UBAC1: variants seen among roughly 807,000 people sequenced by gnomAD.
The protein encoded by UBAC1 is ubiquitin-associated domain-containing protein 1.
UBAC1 carries 27 observed loss-of-function variants against 45.9 expected under a neutral mutation model. That is an observed-to-expected ratio of 0.59 (90% CI 0.43 to 0.81). UBAC1 has a LOEUF of 0.81. Ranked by LOEUF, UBAC1 falls within the 30% of genes least tolerant of loss-of-function variation. UBAC1 has a pLI of 0.00. For missense variants in UBAC1, 529 were observed against 539.2 expected (o/e 0.98, Z 0.19); for synonymous variants, 227 against 215.5 (o/e 1.05, Z -0.47).
chr9:135,958,010 G>A (rs1010356441), intron 1 of UBAC1, among the ~76,000 whole-genome samples: 2 of 148,044 alleles, frequency 1.4e-5, no homozygotes, highest in Non-Finnish European at 3.0e-5. Context: ...GAATGTTTAC[G>A]ACACACCAAA....
chr9:135,959,121 A>G (rs1205588013), intron 1 of UBAC1, among the ~76,000 whole-genome samples: 2 of 152,216 alleles, frequency 1.3e-5, no homozygotes, highest in Non-Finnish European at 2.9e-5. Flanking sequence ...AAAGAGTATC[A>G]TGATGGCCAT....
chr9:135,953,564 C>A (rs981994881), intron 3 of UBAC1, 116 bp downstream of exon 3: 6 of 746,436 alleles, frequency 8.0e-6, no homozygotes, highest in Admixed American at 2.6e-5. Flanking sequence ...GTGATCCACC[C>A]GCCTCGGCCT....
intron 1 of UBAC1, among the ~76,000 whole-genome samples, chr9:135,957,387 A>G (rs1839479674): frequency 6.6e-6 from 1 of 152,182 alleles, no homozygotes; most frequent in Non-Finnish European, 1.5e-5. Flanking sequence ...TCATTTGTCA[A>G]GTTCAGAATA....
chr9:135,946,144 A>G, intron 5 of UBAC1, 125 bp downstream of exon 5: 1 of 1,024,422 alleles, frequency 9.8e-7, no homozygotes, highest in Non-Finnish European at 1.5e-6. Context: ...GGCAGGCCCC[A>G]GGCCCTCATC....
chr9:135,939,627 C>G, intron 8 of UBAC1, 46 bp downstream of exon 8: 1 of 1,574,552 alleles, frequency 6.4e-7, no homozygotes, highest in Non-Finnish European at 8.7e-7. Context: ...ACAGCCCACA[C>G]TCACTCACCA....
At chr9:135,955,458 G>A (rs575174857) in intron 1 of UBAC1, 43 bp from the exon 2 acceptor site, 189 of 1,491,584 alleles carry the variant, frequency 1.3e-4, no homozygotes, top group East Asian at 4.9e-4. Context: ...TAAGTAAATC[G>A]TAATTCTAAT....
chr9:135,934,161 C>T (rs747944649), intron 9 of UBAC1, among the ~76,000 whole-genome samples: 1 of 152,164 alleles, frequency 6.6e-6, no homozygotes, highest in Non-Finnish European at 1.5e-5. Flanking sequence ...CACACATGGA[C>T]GCACTTCAGC....
intron 4 of UBAC1, 74 bp from the exon 5 acceptor site, chr9:135,946,445 G>A: frequency 1.1e-6 from 1 of 939,718 alleles, no homozygotes; most frequent in Non-Finnish European, 1.7e-6. Context: ...TTGCTCCCCT[G>A]TCCTAGAACT....
At chr9:135,940,045 A>G (rs1839250594) in intron 7 of UBAC1, among the ~76,000 whole-genome samples, 1 of 152,178 alleles carries the variant, frequency 6.6e-6, no homozygotes, top group Admixed American at 6.5e-5. Flanking sequence ...ACAGGTAGAA[A>G]CGCATCGCTT....
In UBAC1 at chr9:135,961,350, CGCA is replaced by C. The variant is rs367867455; in HGVS notation, c.-191_-189del. 0.2 allele frequency: 43,797 copies of C among 224,560 alleles called. 5,061 individuals carry two copies. The highest frequency in any genetic ancestry group is 0.23 in the Admixed American group (3,482 of 14,852). The allele number at this position is 224,560 out of a possible 1,614,324, so 13.9% of individuals were successfully genotyped here. ...TCAGCGGTCGCCTCGCTCCCGCCGC[CGCA>C]GCAGCCGCCGGGGGCGCGCCGTCGC... On this transcript the variant is annotated 5_prime_UTR_variant, in exon 1 of 10. Coordinates refer to ENST00000371756, the MANE Select transcript of UBAC1 (RefSeq NM_016172.3).
At chr9:135,933,751 G>A (rs1041997062) in intron 9 of UBAC1, among the ~76,000 whole-genome samples, 1 of 152,082 alleles carries the variant, frequency 6.6e-6, no homozygotes, top group African/African-American at 2.4e-5. Context: ...CTGGCAGGTG[G>A]GCAGTGTGCC....
intron 7 of UBAC1, among the ~76,000 whole-genome samples, chr9:135,943,385 T>C (rs1168168132): frequency 2.0e-5 from 3 of 152,038 alleles, no homozygotes; most frequent in African/African-American, 7.3e-5. Flanking sequence ...ATTAGAGAAA[T>C]GCAAATCAAA....
At chr9:135,937,635 C>G (rs1241971779) in intron 9 of UBAC1, among the ~76,000 whole-genome samples, 1 of 152,036 alleles carries the variant, frequency 6.6e-6, no homozygotes, top group Non-Finnish European at 1.5e-5. Flanking sequence ...TAAGGAGACA[C>G]AAATACGGCA....
At position 135,961,367 on chromosome 9, in the gene UBAC1, G is replaced by GCGCGCCGTCGCGGC. The variant is rs1285977739; in HGVS notation, c.-206_-205insGCCGCGACGGCGCG. The stretch of plus-strand genomic sequence containing the variant: ...CCCGCCGCCGCAGCAGCCGCCGGGG[G>GCGCGCCGTCGCGGC]CGCGCCGTCGCGGCCGCACCGGAAG... On this transcript the variant is annotated 5_prime_UTR_variant, in exon 1 of 10. Coordinates refer to ENST00000371756, the MANE Select transcript of UBAC1 (RefSeq NM_016172.3). 4.2e-5 allele frequency: 8 copies of GCGCGCCGTCGCGGC among 190,366 alleles called. No individual in the cohort carries two copies. Among genetic ancestry groups the GCGCGCCGTCGCGGC allele is most frequent in the African/African-American group, 1.2e-4 (5 of 42,062 alleles). The allele number at this position is 190,366 out of a possible 1,614,324, so 11.8% of individuals were successfully genotyped here. A position where few individuals can be genotyped will look rare whatever the true frequency, so the allele number is the denominator to read the frequency against.
At chr9:135,956,221 C>T (rs556998301) in intron 1 of UBAC1, among the ~76,000 whole-genome samples, 68 of 152,278 alleles carry the variant, frequency 4.5e-4, no homozygotes, top group Non-Finnish European at 1.0e-4. Flanking sequence ...GTGCAAACTC[C>T]AGGAGGAAGT....
At chr9:135,940,646 C>T (rs181644674) in intron 7 of UBAC1, among the ~76,000 whole-genome samples, 1 of 151,694 alleles carries the variant, frequency 6.6e-6, no homozygotes, top group Admixed American at 6.6e-5. Context: ...ACTTAAGCTA[C>T]AACTGAACAT....
chr9:135,947,149 G>A lies in UBAC1; in HGVS notation c.441+649C>T, dbSNP rs542181840. On this transcript the variant is annotated intron_variant, in intron 4 of 9. Transcript: ENST00000371756. ...CCGTCCTCCCACCCCGGCACAGCACGTGCCTGCCCTGCCTGCTGCGGCGTC... is the reference window on the plus strand; with the variant it reads ...CCGTCCTCCCACCCCGGCACAGCACATGCCTGCCCTGCCTGCTGCGGCGTC... 2.1e-3 allele frequency among the ~76,000 whole-genome samples: 323 copies of A among 152,348 alleles called. 1 individual carries two copies. The highest frequency in any genetic ancestry group is 4.1e-3 in the Non-Finnish European group (278 of 68,030).
chr9:135,945,732 C>G (rs1390098515), intron 6 of UBAC1, 157 bp downstream of exon 6: 1 of 618,390 alleles, frequency 1.6e-6, no homozygotes, highest in Non-Finnish European at 2.8e-6. Context: ...CCCAAAAACA[C>G]TTTGGAGGCA....
chr9:135,938,688 A>G (rs1378609199), intron 8 of UBAC1, among the ~76,000 whole-genome samples: 1 of 152,152 alleles, frequency 6.6e-6, no homozygotes, highest in East Asian at 1.9e-4. Context: ...TAACAAATGT[A>G]CCAAGTGCCC....
Sources: allele counts gnomAD v4.1 joint callset (sites outside exome capture counted in the v4.1 genomes callset), GRCh38; gene constraint gnomAD v4.1.1; transcripts MANE v1.5; gene names NCBI Gene and HGNC (gene_info 2026-07-23, HGNC 2026-07-21).